Variants in CHD5 observed in about 807,000 individuals in gnomAD.
CHD5 encodes ATP-dependent chromatin remodeler CHD5.
In CHD5, 69 loss-of-function variants were observed where a neutral mutation model predicts 230.3. The observed-to-expected ratio is 0.30, with a 90% CI of 0.25 to 0.37. CHD5 has a LOEUF of 0.37. Among genes scored for constraint, CHD5 ranks in the 10% least tolerant of loss-of-function variants. The probability of loss-of-function intolerance (pLI) is 1.00; values close to 1 mark genes in which losing one functional copy is unlikely to be tolerated. For synonymous variants in CHD5, 1,064 were observed against 1,065.9 expected, an observed-to-expected ratio of 1.00 and a Z score of 0.03; for missense variants, 1,827 against 2,622.8, an observed-to-expected ratio of 0.70 and a Z score of 6.63.
intron 33 of CHD5, among the ~76,000 whole-genome samples, chr1:6,113,588 G>A (rs1666328832): frequency 6.6e-6 from 1 of 152,196 alleles, no homozygotes; most frequent in Non-Finnish European, 1.5e-5. Flanking sequence ...TTGGAACTTG[G>A]AGCTGTGTCT....
chr1:6,149,144 T>C, intron 8 of CHD5, 69 bp from the exon 9 acceptor site: 2 of 1,463,638 alleles, frequency 1.4e-6, no homozygotes, highest in East Asian at 2.6e-5. Flanking sequence ...ACTCCCTCCC[T>C]CCCCTACAGC....
rs972715183 is a variant in CHD5, at chr1:6,121,032, T to C, written c.4912+73A>G. 23 of 1,452,928 alleles carry C rather than the reference T, an allele frequency of 1.6e-5. No individual in the cohort carries two copies. Among genetic ancestry groups the C allele is most frequent in the Middle Eastern group, 2.3e-4 (1 of 4,378 alleles). The allele number at this position is 1,452,928 out of a possible 1,614,324, so 90.0% of individuals were successfully genotyped here. ...AGAAATGAGCGGAAGTACAGCCACC[T>C]GCCCTTCTCTGAACCCAGGCCTGCT... On this transcript the variant is annotated intron_variant, in intron 33 of 41. Transcript: ENST00000262450. This position sits in a 1 kb window ranked among gnomAD's most constrained non-coding sequence, Gnocchi z 4.5.
In CHD5 at chr1:6,131,744, G is replaced by A; in HGVS notation, c.3149C>T (p.Thr1050Ile). ...GHRVLIFSQM[T>I]KMLDLLEDFL... The stretch of plus-strand genomic sequence containing the variant: ...GTCCTCCAGGAGGTCCAGCATCTTG[G>A]TCATCTGCAGGGGAGACGGGCACGT... Residue 1050 changes from threonine to isoleucine, a missense_variant, in exon 21 of 42, where the codon ACC (threonine) becomes ATC (isoleucine). Coordinates refer to ENST00000262450, the MANE Select transcript of CHD5 (RefSeq NM_015557.3). The surrounding 1 kb of genome is among the most constrained non-coding windows in gnomAD (Gnocchi z 5.0). The A allele has an allele frequency of 6.2e-7, 1 of 1,607,476 alleles. No homozygotes were observed. The highest frequency in any genetic ancestry group is 8.5e-7 in the Non-Finnish European group (1 of 1,174,194).
rs561833717 is a variant in CHD5, at chr1:6,169,752, C to T, written c.80-1475G>A. ...CCTCTAGAAGGGCCCACGAGAGAGC[C>T]GGCCCTTCATGCCAGCCTGCGGCCC... On this transcript the variant is annotated intron_variant, in intron 1 of 41. Transcript: ENST00000262450. Among the ~76,000 whole-genome samples the T allele has an allele frequency of 5.8e-4, 89 of 152,290 alleles. 1 individual carries two copies. Among genetic ancestry groups the T allele is most frequent in the African/African-American group, 2.1e-3 (86 of 41,566 alleles).
At chr1:6,160,949 C>T (rs960218855) in intron 2 of CHD5, among the ~76,000 whole-genome samples, 7 of 152,176 alleles carry the variant, frequency 4.6e-5, no homozygotes, top group African/African-American at 1.7e-4. Flanking sequence ...AGGGAGGGGC[C>T]GGGCAGCACT....
In CHD5 at chr1:6,125,305, G is replaced by T; in HGVS notation, c.4261-72C>A. On this transcript the variant is annotated intron_variant, in intron 28 of 41. Transcript: ENST00000262450. The surrounding 1 kb of genome is among the most constrained non-coding windows in gnomAD (Gnocchi z 6.7). ...GGGGGTGGAGGATTCTGGGATGGGGGAAGAAAAGCATGGGAGGAGGAGAAG... is the reference window on the plus strand; with the variant it reads ...GGGGGTGGAGGATTCTGGGATGGGGTAAGAAAAGCATGGGAGGAGGAGAAG... 6.9e-7 allele frequency: 1 copy of T among 1,452,058 alleles called. No homozygotes were observed. Among genetic ancestry groups the T allele is most frequent in the Non-Finnish European group, 9.3e-7 (1 of 1,075,524 alleles). 89.9% of individuals were successfully genotyped at this position (1,452,058 alleles called of 1,614,324 possible). A position where few individuals can be genotyped will look rare whatever the true frequency, so the allele number is the denominator to read the frequency against.
At chr1:6,164,864 T>C (rs998959666) in intron 2 of CHD5, among the ~76,000 whole-genome samples, 1 of 150,218 alleles carries the variant, frequency 6.7e-6, no homozygotes, top group Non-Finnish European at 1.5e-5. Flanking sequence ...GAGGAAGGGG[T>C]GGAGCAAATC....
rs1037158080 is a variant in CHD5 at position 6,129,738 on chromosome 1, C to G, written c.3387+466G>C. ...GGCTCTATTCCCATACCCCTCCCCC[C>G]ACAGCCCTTCCATCCTTCCTTACAG... On this transcript the variant is annotated intron_variant, in intron 22 of 41. Coordinates refer to ENST00000262450, the MANE Select transcript of CHD5 (RefSeq NM_015557.3). This position sits in a 1 kb window ranked among gnomAD's most constrained non-coding sequence, Gnocchi z 6.8. 3.9e-5 allele frequency among the ~76,000 whole-genome samples: 6 copies of G among 152,140 alleles called. No homozygotes were observed. The highest frequency in any genetic ancestry group is 1.2e-4 in the African/African-American group (5 of 41,434).
In CHD5 at chr1:6,130,368, G is replaced by C. The variant is rs79319708; in HGVS notation, c.3263-40C>G. The C allele has an allele frequency of 6.2e-7, 1 of 1,601,840 alleles. No individual in the cohort carries two copies. Among genetic ancestry groups the C allele is most frequent in the African/African-American group, 1.3e-5 (1 of 74,622 alleles). On this transcript the variant is annotated intron_variant, in intron 21 of 41. Coordinates refer to ENST00000262450, the MANE Select transcript of CHD5 (RefSeq NM_015557.3). This position sits in a 1 kb window ranked among gnomAD's most constrained non-coding sequence, Gnocchi z 4.9. ...CCAGCAGATGGGAGTGTTTGGGGGG[G>C]TACACCTTGGGTGGGCAGAAAGGAT...
intron 33 of CHD5, 115 bp downstream of exon 33, chr1:6,120,990 C>A: frequency 7.9e-7 from 1 of 1,273,528 alleles, no homozygotes; most frequent in Non-Finnish European, 1.0e-6. Flanking sequence ...GGGTTGGAGT[C>A]TACCTCTCTG....
rs1260792708 is a variant in CHD5, at chr1:6,146,015, T to C, written c.1802+197A>G. Among the ~76,000 whole-genome samples the C allele has an allele frequency of 6.6e-6, 1 of 152,120 alleles. No homozygotes were observed. The highest frequency in any genetic ancestry group is 1.5e-5 in the Non-Finnish European group (1 of 68,002). ...GTGCCGGCATGCATGGGACGGCCCCTCTAGCAGGTCAGGCAGATCTCCAGC... is the reference window on the plus strand; with the variant it reads ...GTGCCGGCATGCATGGGACGGCCCCCCTAGCAGGTCAGGCAGATCTCCAGC... On this transcript the variant is annotated intron_variant, in intron 11 of 41. Coordinates refer to ENST00000262450, the MANE Select transcript of CHD5 (RefSeq NM_015557.3). This position sits in a 1 kb window ranked among gnomAD's most constrained non-coding sequence, Gnocchi z 5.1.
At chr1:6,122,045 G>A (rs1162551887) in intron 31 of CHD5, among the ~76,000 whole-genome samples, 1 of 152,230 alleles carries the variant, frequency 6.6e-6, no homozygotes, top group Admixed American at 6.5e-5. Flanking sequence ...GGGCACAGCC[G>A]GGAAAGCGGA....
rs188040234 is a variant in CHD5, at chr1:6,155,935, C to T, written c.388-218G>A. ...TCTGTGCCACGTCTCAGATGCCAGCCCACGAAGTGCAGGCCAAGTGTTCGA... is the reference window on the plus strand; with the variant it reads ...TCTGTGCCACGTCTCAGATGCCAGCTCACGAAGTGCAGGCCAAGTGTTCGA... On this transcript the variant is annotated intron_variant, in intron 3 of 41. Transcript: ENST00000262450. The surrounding 1 kb of genome is among the most constrained non-coding windows in gnomAD (Gnocchi z 4.0). Among the ~76,000 whole-genome samples, 448 of 152,336 alleles carry T rather than the reference C, an allele frequency of 2.9e-3. 2 individuals are homozygous for T. The highest frequency in any genetic ancestry group is 9.7e-3 in the African/African-American group (405 of 41,572).
In CHD5 at chr1:6,136,714, C is replaced by A. The variant is rs1666751938; in HGVS notation, c.2574+14G>T. The stretch of plus-strand genomic sequence containing the variant: ...CCCGGGAAGCTCTGGGGTCTGGCGG[C>A]CAGCGCCACCTACCTTGGACTGGTT... On this transcript the variant is annotated intron_variant, in intron 16 of 41. Coordinates refer to ENST00000262450, the MANE Select transcript of CHD5 (RefSeq NM_015557.3). The A allele has an allele frequency of 2.5e-6, 4 of 1,610,150 alleles. No homozygotes were observed. Among genetic ancestry groups the A allele is most frequent in the South Asian group, 1.1e-5 (1 of 90,910 alleles).
chr1:6,128,886 C>T lies in CHD5; in HGVS notation c.3571G>A (p.Asp1191Asn), dbSNP rs761802456. 4 of 1,613,044 alleles carry T rather than the reference C, an allele frequency of 2.5e-6. No individual in the cohort carries two copies. The South Asian group carries it at 4.4e-5, about 18-fold the overall frequency. ...SGSMTKQELD[D>N]ILKFGTEELF... ...TCCTCCGTGCCGAACTTGAGGATGT[C>T]GTCCAGCTCCTGCTTGGTCATGGAC... Residue 1191 changes from aspartate to asparagine, a missense_variant, in exon 23 of 42, where the codon GAC (aspartate) becomes AAC (asparagine). Asp to Asn is a conservative substitution (Grantham distance 23). Around this residue, in one of 14 missense-constraint regions of CHD5, gnomAD observed 81 missense variants for 245.4 expected, o/e 0.33. Coordinates refer to ENST00000262450, the MANE Select transcript of CHD5 (RefSeq NM_015557.3). This position sits in a 1 kb window ranked among gnomAD's most constrained non-coding sequence, Gnocchi z 7.8.
Position 6,130,159 on chromosome 1 carries a change from G to C in CHD5, c.3387+45C>G. On this transcript the variant is annotated intron_variant, in intron 22 of 41. Coordinates refer to ENST00000262450, the MANE Select transcript of CHD5 (RefSeq NM_015557.3). The surrounding 1 kb of genome is among the most constrained non-coding windows in gnomAD (Gnocchi z 4.9). ...AGGACAGAACCTGCCTGAGGCCCGG[G>C]ATGAGAGGCCCCCTGGGAGGGTGGT... 1.2e-6 allele frequency: 2 copies of C among 1,609,720 alleles called. No individual in the cohort carries two copies. The highest frequency in any genetic ancestry group is 1.7e-6 in the Non-Finnish European group (2 of 1,176,890).
In CHD5 at chr1:6,131,481, A is replaced by C. The variant is rs983126558; in HGVS notation, c.3262+150T>G. On this transcript the variant is annotated intron_variant, in intron 21 of 41. Transcript: ENST00000262450. This position sits in a 1 kb window ranked among gnomAD's most constrained non-coding sequence, Gnocchi z 5.0. ...CCGATTCCATGGGAGGAATCCTTTT[A>C]ACATTGGAAACTCGGACTGGCCTGC... 13 of 549,296 alleles carry C rather than the reference A, an allele frequency of 2.4e-5. No homozygotes were observed. The highest frequency in any genetic ancestry group is 2.2e-4 in the African/African-American group (12 of 53,386). The allele number at this position is 549,296 out of a possible 1,614,324, so 34.0% of individuals were successfully genotyped here.
rs553743491 is a variant in CHD5 at position 6,138,021 on chromosome 1, G to C, written c.2437-1156C>G. On this transcript the variant is annotated intron_variant, in intron 15 of 41. Transcript: ENST00000262450. ...ACCAAGTTCCAGGACAGGGCCTGGT[G>C]CCTGTGAGGGTCTGCACTCTCCCGG... Among the ~76,000 whole-genome samples, 247 of 152,304 alleles carry C rather than the reference G, an allele frequency of 1.6e-3. 1 individual carries two copies. The highest frequency in any genetic ancestry group is 5.8e-3 in the African/African-American group (240 of 41,566).
chr1:6,107,625 G>GA, intron 38 of CHD5, among the ~76,000 whole-genome samples: 1 of 145,518 alleles, frequency 6.9e-6, no homozygotes, highest in African/African-American at 2.6e-5. Flanking sequence ...ATATAGGGAT[G>GA]AAGCGATGAT....
Sources: allele counts gnomAD v4.1 joint callset (sites outside exome capture counted in the v4.1 genomes callset), GRCh38; gene constraint gnomAD v4.1.1; regional missense constraint gnomAD v4.1.1; non-coding constraint Gnocchi (gnomAD v3.1); transcripts MANE v1.5; gene names NCBI Gene and HGNC (gene_info 2026-07-23, HGNC 2026-07-21).